Variants in SNRPN observed in about 807,000 individuals in gnomAD.
SNRPN encodes small nuclear ribonucleoprotein-associated protein N.
Under a neutral mutation model 25.2 loss-of-function variants are expected in SNRPN, and 7 were observed. The ratio of observed to expected loss-of-function variants is 0.28; its 90% confidence interval spans 0.16 to 0.52. The LOEUF is 0.52. Ranked by LOEUF, SNRPN falls within the 20% of genes least tolerant of loss-of-function variation. The pLI, the probability that SNRPN is intolerant of heterozygous loss-of-function variation, is 0.96. For missense variants in SNRPN, 196 were observed against 322.5 expected, an observed-to-expected ratio of 0.61 and a Z score of 3.00; for synonymous variants, 124 against 110.6, an observed-to-expected ratio of 1.12 and a Z score of -0.76.
chr15:24,943,658 C>T (rs573929445), intron 3 of SNRPN, among the ~76,000 whole-genome samples: 1 of 152,186 alleles, frequency 6.6e-6, no homozygotes, highest in East Asian at 1.9e-4. Context: ...AGCAGGCCAA[C>T]AGCTGTTTCT....
At chr15:24,868,962 C>G (rs775902347) in intron 1 of SNRPN, among the ~76,000 whole-genome samples, 61 of 152,062 alleles carry the variant, frequency 4.0e-4, no homozygotes, top group African/African-American at 1.3e-3. Context: ...CATAGCCAGA[C>G]CCTATCTCTA....
chr15:24,845,490 C>T (rs59952756), intron 2 of SNRPN, among the ~76,000 whole-genome samples: 2,445 of 151,944 alleles, frequency 0.016, 51 homozygotes, highest in African/African-American at 0.047. Context: ...CCCAGCTACT[C>T]GGGAGTCTGA....
At chr15:24,959,960 G>A (rs886961516) in intron 1 of SNRPN, among the ~76,000 whole-genome samples, 12 of 152,224 alleles carry the variant, frequency 7.9e-5, no homozygotes, top group African/African-American at 2.9e-4. Context: ...AAGGCTGCAG[G>A]TATAATAGAA....
intron 3 of SNRPN, among the ~76,000 whole-genome samples, chr15:24,945,140 T>A (rs1213851676): frequency 6.6e-6 from 1 of 152,166 alleles, no homozygotes; most frequent in Non-Finnish European, 1.5e-5. Flanking sequence ...GCTTTGTGGG[T>A]CATATGGTTT....
chr15:24,850,614 CTAAGG>C (rs1446161881), intron 2 of SNRPN: 1 of 152,278 alleles, frequency 6.6e-6, no homozygotes, highest in Admixed American at 6.5e-5. Context: ...TGCACCCGGC[CTAAGG>C]GAGCTCTATT....
chr15:24,934,093 T>G (rs971540974), intron 3 of SNRPN, among the ~76,000 whole-genome samples: 1 of 151,868 alleles, frequency 6.6e-6, no homozygotes, highest in African/African-American at 2.4e-5. Context: ...AGTTTGGGAG[T>G]TCGAGACCAG....
chr15:24,969,587 G>T (rs979789208), intron 3 of SNRPN, among the ~76,000 whole-genome samples: 1 of 151,676 alleles, frequency 6.6e-6, no homozygotes, highest in Non-Finnish European at 1.5e-5. Context: ...CATTGAATAG[G>T]TGTGCACAAC....
chr15:24,835,292 A>G (rs1173025503), intron 2 of SNRPN, among the ~76,000 whole-genome samples: 3 of 151,626 alleles, frequency 2.0e-5, no homozygotes, highest in African/African-American at 7.3e-5. Flanking sequence ...TTACTTTAGT[A>G]TGTAGCAAAT....
intron 2 of SNRPN, among the ~76,000 whole-genome samples, chr15:24,848,082 C>G (rs1215955053): frequency 6.6e-6 from 1 of 152,080 alleles, no homozygotes; most frequent in East Asian, 1.9e-4. Context: ...ACTCCTGGTC[C>G]CCCGCGATTC....
chr15:24,933,454 C>A (rs559369605), intron 3 of SNRPN, among the ~76,000 whole-genome samples: 1 of 151,618 alleles, frequency 6.6e-6, no homozygotes. Context: ...TTGGGGAAAA[C>A]GGTGGTTGAG....
chr15:24,881,600 AGAGAGAGAGAGAGAGAG>A (rs1566864513), intron 1 of SNRPN, among the ~76,000 whole-genome samples: 30 of 77,964 alleles, frequency 3.8e-4, no homozygotes, highest in African/African-American at 2.0e-3. Flanking sequence ...AGAGAGAGAG[AGAGAGAGAGAGAGAGAG>A]AGAAAGTCAC....
chr15:24,956,670 A>G (rs184110624), intron 1 of SNRPN, among the ~76,000 whole-genome samples: 1 of 152,174 alleles, frequency 6.6e-6, no homozygotes, highest in Admixed American at 6.5e-5. Context: ...CTGATACAGC[A>G]GCTGTTCCTT....
intron 2 of SNRPN, among the ~76,000 whole-genome samples, chr15:24,840,982 T>G (rs1403492045): frequency 1.3e-5 from 2 of 151,968 alleles, no homozygotes; most frequent in Admixed American, 6.6e-5. Context: ...GCTGGGATTA[T>G]AGGCGCCCAC....
chr15:24,968,390 T>A lies in SNRPN; in HGVS notation c.-144+308T>A, dbSNP rs73354192. The stretch of plus-strand genomic sequence containing the variant: ...ATACCCTGTTACTGAATGTTTATAA[T>A]TTCCTTTTGTGGGAGGTGTCATTTT... On this transcript the variant is annotated intron_variant, in intron 3 of 9. Transcript: ENST00000390687. 383 of 189,706 alleles carry A rather than the reference T, an allele frequency of 2.0e-3. 2 individuals are homozygous for A. Among genetic ancestry groups the A allele is most frequent in the African/African-American group, 8.6e-3 (361 of 41,982 alleles). 11.8% of individuals were successfully genotyped at this position (189,706 alleles called of 1,614,324 possible). A position where few individuals can be genotyped will look rare whatever the true frequency, so the allele number is the denominator to read the frequency against.
chr15:24,853,892 C>T (rs2053129664), upstream of SNRPN, among the ~76,000 whole-genome samples: 1 of 152,132 alleles, frequency 6.6e-6, no homozygotes, highest in African/African-American at 2.4e-5. Context: ...AGTCATTAGG[C>T]TTAGTAAGAA....
intron 3 of SNRPN, chr15:24,968,387 T>G (rs535006630): frequency 3.1e-5 from 6 of 191,120 alleles, no homozygotes; most frequent in Admixed American, 1.1e-4. Context: ...TGAATGTTTA[T>G]AATTTCCTTT....
intron 2 of SNRPN, among the ~76,000 whole-genome samples, chr15:24,893,998 C>G (rs1334191152): frequency 6.6e-6 from 1 of 152,170 alleles, no homozygotes; most frequent in Non-Finnish European, 1.5e-5. Flanking sequence ...AAAAATGCAG[C>G]CCTCTAAAGA....
upstream of SNRPN, among the ~76,000 whole-genome samples, chr15:24,953,470 T>C (rs1372401301): frequency 6.6e-6 from 1 of 152,162 alleles, no homozygotes; most frequent in African/African-American, 2.4e-5. Flanking sequence ...ATTACAGGCA[T>C]GTGCCATCAC....
intron 3 of SNRPN, among the ~76,000 whole-genome samples, chr15:24,925,023 A>G (rs12592731): frequency 0.27 from 41,536 of 152,052 alleles, 5,882 homozygotes; most frequent in Admixed American, 0.32. Flanking sequence ...AAATTCTATT[A>G]GCTAGTATAA....
Sources: gnomAD v4.1 joint callset for allele counts (sites outside exome capture counted in the v4.1 genomes callset) on GRCh38, gnomAD v4.1.1 for gene constraint, MANE v1.5 for transcripts, NCBI Gene and HGNC (gene_info 2026-07-23, HGNC 2026-07-21) for gene names.